Variants in SIRPA observed in about 807,000 individuals in gnomAD.
SIRPA encodes tyrosine-protein phosphatase non-receptor type substrate 1.
A neutral mutation model predicts 50.3 loss-of-function variants in SIRPA; 9 were observed. The ratio of observed to expected loss-of-function variants is 0.18; its 90% confidence interval spans 0.11 to 0.31. The LOEUF (loss-of-function observed/expected upper bound fraction) is 0.31. Among genes scored for constraint, SIRPA ranks in the 10% least tolerant of loss-of-function variants. The probability of loss-of-function intolerance (pLI) is 1.00; values close to 1 mark genes in which losing one functional copy is unlikely to be tolerated. For missense variants in SIRPA, 474 were observed against 661.6 expected (o/e 0.72, Z 3.11); for synonymous variants, 265 against 284.1 (o/e 0.93, Z 0.68).
Position 1,924,939 on chromosome 20 carries a change from G to T in SIRPA, c.1201+62G>T. 7.7e-7 allele frequency: 1 copy of T among 1,304,278 alleles called. No homozygotes were observed. The highest frequency in any genetic ancestry group is 1.1e-6 in the Non-Finnish European group (1 of 904,556). The allele number at this position is 1,304,278 out of a possible 1,614,324, so 80.8% of individuals were successfully genotyped here. A position where few individuals can be genotyped will look rare whatever the true frequency, so the allele number is the denominator to read the frequency against. On this transcript the variant is annotated intron_variant, in intron 5 of 7. Coordinates refer to ENST00000358771, the MANE Select transcript of SIRPA (RefSeq NM_001040023.2). This position sits in a 1 kb window ranked among gnomAD's most constrained non-coding sequence, Gnocchi z 4.5. The stretch of plus-strand genomic sequence containing the variant: ...CCCTGGACTGTCCTCGGAGGGAGAC[G>T]CCATTAGGTGCTTTGGGTTAAGGAC...
intron 4 of SIRPA, among the ~76,000 whole-genome samples, chr20:1,923,726 A>C (rs1035146021): frequency 3.9e-5 from 6 of 152,108 alleles, no homozygotes; most frequent in Admixed American, 3.9e-4. Context: ...GGGAGACAGG[A>C]TGTGTGGCTT....
rs1986474681 is a variant in SIRPA, at chr20:1,934,698, G to A, written c.1227-17G>A. 6.2e-7 allele frequency: 1 copy of A among 1,613,758 alleles called. No homozygotes were observed. The highest frequency in any genetic ancestry group is 8.5e-7 in the Non-Finnish European group (1 of 1,179,810). ...ATAGTGAGGGTATTTTTATCTGTGTGTCTCTTTCCTTTTTAGGTTGCATGA... is the reference window on the plus strand; with the variant it reads ...ATAGTGAGGGTATTTTTATCTGTGTATCTCTTTCCTTTTTAGGTTGCATGA... On this transcript the variant is annotated splice_polypyrimidine_tract_variant and intron_variant, in intron 6 of 7. Coordinates refer to ENST00000358771, the MANE Select transcript of SIRPA (RefSeq NM_001040023.2). The surrounding 1 kb of genome is among the most constrained non-coding windows in gnomAD (Gnocchi z 4.6).
chr20:1,934,323 A>G lies in SIRPA; in HGVS notation c.1227-392A>G, dbSNP rs748972486. On this transcript the variant is annotated intron_variant, in intron 6 of 7. Coordinates refer to ENST00000358771, the MANE Select transcript of SIRPA (RefSeq NM_001040023.2). This position sits in a 1 kb window ranked among gnomAD's most constrained non-coding sequence, Gnocchi z 4.6. The stretch of plus-strand genomic sequence containing the variant: ...TTGAATTCCCCCAAAAAAAAGTGCA[A>G]TTATGAGTCAAAGGATGAGGACATC... 6.6e-6 allele frequency among the ~76,000 whole-genome samples: 1 copy of G among 152,204 alleles called. No individual in the cohort carries two copies. The highest frequency in any genetic ancestry group is 2.4e-5 in the African/African-American group (1 of 41,456).
intron 2 of SIRPA, among the ~76,000 whole-genome samples, chr20:1,916,352 C>T (rs1985295597): frequency 1.3e-5 from 2 of 152,222 alleles, no homozygotes; most frequent in African/African-American, 4.8e-5. Context: ...CAGGAGATGA[C>T]AGGGGCCTTG....
chr20:1,937,675 G>A lies in SIRPA; in HGVS notation c.*107G>A, dbSNP rs909482082. 8.2e-6 allele frequency: 12 copies of A among 1,460,976 alleles called. No individual in the cohort carries two copies. Among genetic ancestry groups the A allele is most frequent in the Admixed American group, 4.0e-5 (2 of 49,420 alleles). 90.5% of individuals were successfully genotyped at this position (1,460,976 alleles called of 1,614,324 possible). On this transcript the variant is annotated 3_prime_UTR_variant, in exon 8 of 8. Coordinates refer to ENST00000358771, the MANE Select transcript of SIRPA (RefSeq NM_001040023.2). The surrounding 1 kb of genome is among the most constrained non-coding windows in gnomAD (Gnocchi z 8.3). ...CCAGTTCCCGGAGGGCTGGGGCGGT[G>A]CAGGCTCTGGGACCCAGGGGCCAGG...
In SIRPA at chr20:1,936,152, G is replaced by T. The variant is rs1426617738; in HGVS notation, c.1267-1168G>T. Among the ~76,000 whole-genome samples, 1 of 152,100 alleles carries T rather than the reference G, an allele frequency of 6.6e-6. No individual in the cohort carries two copies. Among genetic ancestry groups the T allele is most frequent in the Non-Finnish European group, 1.5e-5 (1 of 68,020 alleles). ...AGCCATTACCGTGCACCAACTAGGA[G>T]GTGTGCCGGTTGGTGGTAGCTTTAT... On this transcript the variant is annotated intron_variant, in intron 7 of 7. Coordinates refer to ENST00000358771, the MANE Select transcript of SIRPA (RefSeq NM_001040023.2). The surrounding 1 kb of genome is among the most constrained non-coding windows in gnomAD (Gnocchi z 4.2).
rs1170772172 is a variant in SIRPA at position 1,921,460 on chromosome 20, T to C, written c.502T>C (p.Phe168Leu). The C allele has an allele frequency of 1.2e-6, 2 of 1,613,874 alleles. No homozygotes were observed. The highest frequency in any genetic ancestry group is 1.7e-6 in the Non-Finnish European group (2 of 1,179,854). The change falls in exon 3 of 8, where the codon TTC (phenylalanine) becomes CTC (leucine). Residue 168 changes from phenylalanine to leucine, a missense_variant. Physicochemically the swap from Phe to Leu is conservative, Grantham distance 22. Coordinates refer to ENST00000358771, the MANE Select transcript of SIRPA (RefSeq NM_001040023.2). ...ARATPQHTVS[F>L]TCESHGFSPR... ...GGCCACACCTCAGCACACAGTGAGC[T>C]TCACCTGCGAGTCCCACGGCTTCTC...
chr20:1,896,309 C>A (rs1403866043), intron 1 of SIRPA, among the ~76,000 whole-genome samples: 1 of 152,206 alleles, frequency 6.6e-6, no homozygotes, highest in Non-Finnish European at 1.5e-5. Flanking sequence ...TTCTGTTGGC[C>A]TACATCAAAC....
intron 7 of SIRPA, among the ~76,000 whole-genome samples, chr20:1,935,240 C>T (rs915993455): frequency 1.3e-5 from 2 of 152,238 alleles, no homozygotes. Context: ...CACACAAGGG[C>T]ACACTCACTC....
rs975301275 is a variant in SIRPA, at chr20:1,898,579, G to A, written c.79+3053G>A. 6.6e-6 allele frequency among the ~76,000 whole-genome samples: 1 copy of A among 152,036 alleles called. No homozygotes were observed. The highest frequency in any genetic ancestry group is 1.5e-5 in the Non-Finnish European group (1 of 68,026). The stretch of plus-strand genomic sequence containing the variant: ...TGCAGAAAATCGAGTCCCAAACTGG[G>A]GAACTAACTTATAAGTGATAGAGAG... On this transcript the variant is annotated intron_variant, in intron 1 of 7. Transcript: ENST00000358771. This position sits in a 1 kb window ranked among gnomAD's most constrained non-coding sequence, Gnocchi z 4.3.
At chr20:1,901,020 A>G (rs755898811) in intron 1 of SIRPA, among the ~76,000 whole-genome samples, 5 of 152,148 alleles carry the variant, frequency 3.3e-5, no homozygotes, top group African/African-American at 7.2e-5. Context: ...CACAGAGCCT[A>G]TGTGGTTAAC....
chr20:1,902,680 G>A (rs1022018332), intron 1 of SIRPA, among the ~76,000 whole-genome samples: 1 of 152,182 alleles, frequency 6.6e-6, no homozygotes, highest in Non-Finnish European at 1.5e-5. Flanking sequence ...AGTCAGGACA[G>A]AGGGAGGGCC....
intron 2 of SIRPA, among the ~76,000 whole-genome samples, chr20:1,920,999 A>G (rs1985613714): frequency 6.6e-6 from 1 of 152,214 alleles, no homozygotes; most frequent in African/African-American, 2.4e-5. Flanking sequence ...TACTCCCTGC[A>G]CTGACCTCTA....
chr20:1,940,588 G>C lies in SIRPA; in HGVS notation c.*3020G>C, dbSNP rs1174576822. The C allele has an allele frequency of 6.6e-6, 1 of 152,182 alleles. No individual in the cohort carries two copies. Among genetic ancestry groups the C allele is most frequent in the Non-Finnish European group, 1.5e-5 (1 of 68,040 alleles). The allele number at this position is 152,182 out of a possible 1,614,324, so 9.4% of individuals were successfully genotyped here. A position where few individuals can be genotyped will look rare whatever the true frequency, so the allele number is the denominator to read the frequency against. On this transcript the variant is annotated 3_prime_UTR_variant, in exon 8 of 8. Coordinates refer to ENST00000358771, the MANE Select transcript of SIRPA (RefSeq NM_001040023.2). Reference sequence around the variant, plus strand: ...TGTAATAAAGTTAAGGCATAAATATGTTAATATTTAGTGGTTACTATGTGT... The same window carrying C: ...TGTAATAAAGTTAAGGCATAAATATCTTAATATTTAGTGGTTACTATGTGT...
chr20:1,937,804 A>G lies in SIRPA; in HGVS notation c.*236A>G. On this transcript the variant is annotated 3_prime_UTR_variant, in exon 8 of 8. Coordinates refer to ENST00000358771, the MANE Select transcript of SIRPA (RefSeq NM_001040023.2). This position sits in a 1 kb window ranked among gnomAD's most constrained non-coding sequence, Gnocchi z 8.3. ...CATACCTGGAGGCTGACGTTGCCAA[A>G]CCAGCCAGGGAACCAACCTGGGAAG... 2 of 574,432 alleles carry G rather than the reference A, an allele frequency of 3.5e-6. No homozygotes were observed. The highest frequency in any genetic ancestry group is 3.1e-6 in the Non-Finnish European group (1 of 327,748). 35.6% of individuals were successfully genotyped at this position (574,432 alleles called of 1,614,324 possible). A position where few individuals can be genotyped will look rare whatever the true frequency, so the allele number is the denominator to read the frequency against.
chr20:1,899,428 A>T (rs1984030378), intron 1 of SIRPA, among the ~76,000 whole-genome samples: 1 of 152,136 alleles, frequency 6.6e-6, no homozygotes, highest in East Asian at 1.9e-4. Flanking sequence ...GCTGGGTCAC[A>T]TTTACTCCAG....
Position 1,938,578 on chromosome 20 carries a change from C to A in SIRPA, c.*1010C>A, listed in dbSNP as rs1196172508. 1.3e-5 allele frequency: 2 copies of A among 152,670 alleles called. No homozygotes were observed. Among genetic ancestry groups the A allele is most frequent in the Admixed American group, 1.3e-4 (2 of 15,274 alleles). The allele number at this position is 152,670 out of a possible 1,614,324, so 9.5% of individuals were successfully genotyped here. A position where few individuals can be genotyped will look rare whatever the true frequency, so the allele number is the denominator to read the frequency against. ...AGCGAAGACTTGAGTTCCTCCAAGT[C>A]CCAGAACCCCAAGAATGGGCAAGAA... On this transcript the variant is annotated 3_prime_UTR_variant, in exon 8 of 8. Coordinates refer to ENST00000358771, the MANE Select transcript of SIRPA (RefSeq NM_001040023.2).
chr20:1,931,046 C>A (rs1160078932), intron 6 of SIRPA, among the ~76,000 whole-genome samples: 2 of 152,196 alleles, frequency 1.3e-5, no homozygotes, highest in Non-Finnish European at 2.9e-5. Flanking sequence ...TGTGTATTAA[C>A]CCACTTGTGA....
chr20:1,923,236 G>T (rs1485827254), intron 4 of SIRPA, among the ~76,000 whole-genome samples: 2 of 152,266 alleles, frequency 1.3e-5, no homozygotes, highest in African/African-American at 4.8e-5. Context: ...GAGAGTGTGA[G>T]GGTGTCAAGG....
Sources: allele counts gnomAD v4.1 joint callset (sites outside exome capture counted in the v4.1 genomes callset), GRCh38; gene constraint gnomAD v4.1.1; non-coding constraint Gnocchi (gnomAD v3.1); transcripts MANE v1.5; gene names NCBI Gene and HGNC (gene_info 2026-07-23, HGNC 2026-07-21).